The following DHX32 variants were observed in gnomAD, a reference collection of about 807,000 sequenced individuals.
DHX32 encodes the protein DEAH-box helicase 32 (putative).
In DHX32, 51 loss-of-function variants were observed where a neutral mutation model predicts 70.0. The ratio of observed to expected loss-of-function variants is 0.73; its 90% CI spans 0.58 to 0.92. The LOEUF (loss-of-function observed/expected upper bound fraction) is 0.92. DHX32 is among the 40% of genes least tolerant of loss of function. The pLI, the probability that DHX32 is intolerant of heterozygous loss-of-function variation, is 0.00. For missense variants in DHX32, 762 were observed against 891.8 expected, an observed-to-expected ratio of 0.85 and a Z score of 1.85; for synonymous variants, 310 against 315.3, an observed-to-expected ratio of 0.98 and a Z score of 0.18.
chr10:125,876,296 T>C (rs1192354135), intron 1 of DHX32, among the ~76,000 whole-genome samples: 1 of 152,266 alleles, frequency 6.6e-6, no homozygotes, highest in Non-Finnish European at 1.5e-5. Flanking sequence ...GTCTGCTGTT[T>C]AGCCAGCTTT....
At chr10:125,878,501 G>C (rs1024494810) in intron 1 of DHX32, among the ~76,000 whole-genome samples, 3 of 152,036 alleles carry the variant, frequency 2.0e-5, no homozygotes, top group African/African-American at 7.3e-5. Context: ...TGCTTTCTTT[G>C]AGATCTACTC....
At chr10:125,839,243 G>C in intron 8 of DHX32, 55 bp from the exon 9 acceptor site, 2 of 1,576,888 alleles carry the variant, frequency 1.3e-6, no homozygotes, top group Non-Finnish European at 1.7e-6. Flanking sequence ...AAGCTCTGAA[G>C]AGCCCAGGCC....
chr10:125,860,862 T>TCTC (rs372260921), intron 2 of DHX32, among the ~76,000 whole-genome samples: 71,115 of 149,136 alleles, frequency 0.48, 17,401 homozygotes, highest in African/African-American at 0.58. Context: ...TTCACGCCAT[T>TCTC]CTGCCTCAGC....
intron 1 of DHX32, 51 bp downstream of exon 1, chr10:125,880,491 CA>C: frequency 6.6e-7 from 1 of 1,514,892 alleles, no homozygotes; most frequent in Non-Finnish European, 8.9e-7. Flanking sequence ...CATTAAATAA[CA>C]ATTAAAAAAT....
chr10:125,842,510 G>A (rs1854911353), intron 6 of DHX32: 1 of 152,384 alleles, frequency 6.6e-6, no homozygotes, highest in Non-Finnish European at 1.5e-5. Flanking sequence ...GAAAACACAA[G>A]TGAGAAACCC....
At chr10:125,859,247 G>C (rs1192693303) in intron 3 of DHX32, among the ~76,000 whole-genome samples, 1 of 152,140 alleles carries the variant, frequency 6.6e-6, no homozygotes, top group Non-Finnish European at 1.5e-5. Context: ...CAGGGAGGCA[G>C]TGGAGAATGT....
intron 1 of DHX32, among the ~76,000 whole-genome samples, chr10:125,893,339 G>A (rs1944382235): frequency 6.6e-6 from 1 of 152,168 alleles, no homozygotes; most frequent in Non-Finnish European, 1.5e-5. Flanking sequence ...CGCCTCCCGG[G>A]TTCACGCCAT....
At chr10:125,858,880 T>C (rs1417667882) in intron 3 of DHX32, among the ~76,000 whole-genome samples, 1 of 151,864 alleles carries the variant, frequency 6.6e-6, no homozygotes, top group East Asian at 1.9e-4. Flanking sequence ...ATAGGGCCAG[T>C]GTAGCTGCAA....
Position 125,839,003 on chromosome 10 carries a change from G to T in DHX32, c.1879C>A (p.Gln627Lys). The change falls in exon 9 of 11, where the codon CAG becomes AAG. Residue 627 changes from glutamine (Q) to lysine (K), a missense_variant and splice_region_variant. Gln to Lys is a moderately conservative substitution (Grantham distance 53). Transcript: ENST00000284690. Reference protein sequence around the residue: ...KKALLSGYFMQIARDVDGSGN... With the variant: ...KKALLSGYFMKIARDVDGSGN... Reference sequence around the variant, plus strand: ...GAGGTGACCCCACCCCTTCTCACCTGCATAAAGTAACCGGACAGAAGAGCT... The same window carrying T: ...GAGGTGACCCCACCCCTTCTCACCTTCATAAAGTAACCGGACAGAAGAGCT... 1 of 1,613,524 alleles carries T rather than the reference G, an allele frequency of 6.2e-7. No homozygotes were observed. The highest frequency in any genetic ancestry group is 8.5e-7 in the Non-Finnish European group (1 of 1,179,672).
chr10:125,893,512 G>A (rs1944383575), intron 1 of DHX32, among the ~76,000 whole-genome samples: 1 of 152,190 alleles, frequency 6.6e-6, no homozygotes, highest in South Asian at 2.1e-4. Context: ...CAAAGTGCTG[G>A]GATTACAGGC....
chr10:125,839,218 G>C (rs141930160), intron 8 of DHX32, 30 bp from the exon 9 acceptor site: 5 of 1,604,400 alleles, frequency 3.1e-6, no homozygotes, highest in African/African-American at 2.7e-5. Flanking sequence ...AGGCTATTTA[G>C]AAATGATTTG....
chr10:125,851,853 G>GA (rs1213972401), intron 6 of DHX32, among the ~76,000 whole-genome samples: 3 of 150,004 alleles, frequency 2.0e-5, no homozygotes, highest in African/African-American at 7.4e-5. Context: ...CCTGTGAGGT[G>GA]GAGGTTGCAG....
In DHX32 at chr10:125,880,670, T is replaced by A. The variant is rs777399632; in HGVS notation, c.155A>T (p.Tyr52Phe). The change falls in exon 1 of 11, where the codon TAT becomes TTT. Residue 52 changes from tyrosine (Y) to phenylalanine (F), a missense_variant. Transcript: ENST00000284690. ...PFDGLPYSSR[Y>F]YKLLKEREDL... Reference sequence around the variant, plus strand: ...TTCTCTTTCTTTCAGAAGTTTATAATAACGTGATGAATATGGCAATCCATC... The same window carrying A: ...TTCTCTTTCTTTCAGAAGTTTATAAAAACGTGATGAATATGGCAATCCATC... 4.3e-6 allele frequency: 7 copies of A among 1,614,214 alleles called. No homozygotes were observed. In the South Asian group the frequency reaches 7.7e-5, roughly 18 times the overall value.
At chr10:125,845,029 T>C (rs1489005258) in intron 6 of DHX32, among the ~76,000 whole-genome samples, 2 of 152,212 alleles carry the variant, frequency 1.3e-5, no homozygotes, top group African/African-American at 4.8e-5. Flanking sequence ...TTTTCCTTCC[T>C]TGGCATCAGT....
chr10:125,839,309 A>G lies in DHX32; in HGVS notation c.1694-121T>C, dbSNP rs188958720. 5.9e-3 allele frequency: 5,776 copies of G among 985,900 alleles called. 31 individuals are homozygous for G. The highest frequency in any genetic ancestry group is 7.9e-3 in the Non-Finnish European group (5,391 of 684,658). The allele number at this position is 985,900 out of a possible 1,614,324, so 61.1% of individuals were successfully genotyped here. On this transcript the variant is annotated intron_variant, in intron 8 of 10. Transcript: ENST00000284690. ...TCCTCTCCTACAAAGGAGGCCACGT[A>G]GGTGAGTGGCAGGAAGGCAGCAAGG...
Position 125,852,553 on chromosome 10 carries a change from T to C in DHX32, c.1182A>G (p.Ser394=), listed in dbSNP as rs2134044917. The C allele has an allele frequency of 8.1e-6, 13 of 1,613,594 alleles. No homozygotes were observed. Among genetic ancestry groups the C allele is most frequent in the Non-Finnish European group, 1.1e-5 (13 of 1,179,802 alleles). ...TGTCCACAGCACTACCTGAAGAAGA[T>C]GAGCCAAGAATCTGCTTGCGTATCT... ...QAEIRKQILG[S]SSSGKFFCLY... is the part of the protein sequence containing the mutation. Residue 394 remains serine, a synonymous_variant, in exon 5 of 11, where the codon TCA becomes TCG. Coordinates refer to ENST00000284690, the MANE Select transcript of DHX32 (RefSeq NM_018180.3).
intron 6 of DHX32, among the ~76,000 whole-genome samples, chr10:125,850,314 T>C (rs1294451847): frequency 6.6e-6 from 1 of 150,728 alleles, no homozygotes; most frequent in African/African-American, 2.4e-5. Context: ...ACCAGAGCCA[T>C]CCCTGGCCTC....
chr10:125,853,235 C>G (rs1225351859), intron 4 of DHX32: 3 of 1,605,056 alleles, frequency 1.9e-6, no homozygotes, highest in South Asian at 1.1e-5. Flanking sequence ...TGGAATTGCT[C>G]TGTCATAATA....
intron 6 of DHX32, among the ~76,000 whole-genome samples, chr10:125,850,581 C>G (rs958902784): frequency 3.9e-5 from 6 of 152,016 alleles, no homozygotes; most frequent in African/African-American, 1.4e-4. Flanking sequence ...TCTTGAACTC[C>G]TGACCTGAGG....
Sources: gnomAD v4.1 joint callset for allele counts (sites outside exome capture counted in the v4.1 genomes callset) on GRCh38, gnomAD v4.1.1 for gene constraint, MANE v1.5 for transcripts, NCBI Gene and HGNC (gene_info 2026-07-23, HGNC 2026-07-21) for gene names.